The following DMD variants were observed in gnomAD, a reference collection of about 807,000 sequenced individuals.
The protein encoded by DMD is mutant dystrophin.
Under a neutral mutation model 330.1 loss-of-function variants are expected in DMD, and 63 were observed. The ratio of observed to expected loss-of-function variants is 0.19; its 90% CI spans 0.16 to 0.24. DMD has a LOEUF of 0.24. Ranked by LOEUF, DMD falls within the 10% of genes least tolerant of loss-of-function variation. The pLI is 1.00. For missense variants in DMD, 3,344 were observed against 2,684.1 expected (o/e 1.25, Z -5.43); for synonymous variants, 1,223 against 959.8 (o/e 1.27, Z -5.07).
At chrX:32,136,776 G>A (rs2096727591) in intron 44 of DMD, among the ~76,000 whole-genome samples, 1 of 107,484 alleles carries the variant, frequency 9.3e-6, no homozygotes, top group Admixed American at 1.0e-4. Flanking sequence ...TTCTTCCACT[G>A]CCACTTAGAA....
intron 62 of DMD, among the ~76,000 whole-genome samples, chrX:31,295,810 C>T (rs2054140379): frequency 8.9e-6 from 1 of 111,871 alleles, no homozygotes; most frequent in Non-Finnish European, 1.9e-5. Flanking sequence ...AACCTTATAC[C>T]AGCCAAAGAA....
intron 44 of DMD, among the ~76,000 whole-genome samples, chrX:32,141,724 C>CACACACACAT (rs564694131): frequency 1.4e-4 from 14 of 103,372 alleles, no homozygotes; most frequent in Admixed American, 5.2e-4. Context: ...CACACACACA[C>CACACACACAT]GATCTTGCAT....
chrX:33,115,719 G>A (rs2095378139), intron 1 of DMD, among the ~76,000 whole-genome samples: 1 of 108,828 alleles, frequency 9.2e-6, no homozygotes, highest in Admixed American at 9.8e-5. Context: ...GTATCACTGT[G>A]TTAGCCAGGA....
chrX:32,731,567 G>A (rs569403239), intron 7 of DMD, among the ~76,000 whole-genome samples: 1 of 112,396 alleles, frequency 8.9e-6, no homozygotes, highest in Non-Finnish European at 1.9e-5. Flanking sequence ...GGAGATCTGA[G>A]AAGGGGCAGA....
At chrX:31,894,977 G>A (rs1160921304) in intron 47 of DMD, among the ~76,000 whole-genome samples, 1 of 111,821 alleles carries the variant, frequency 8.9e-6, no homozygotes, top group South Asian at 3.7e-4. Flanking sequence ...GTTGGTTACT[G>A]GTTAAAAGAA....
rs766358544 is a variant in DMD, at chrX:32,725,973, A to G, written c.650-26680T>C. Among the ~76,000 whole-genome samples, 19 of 110,862 alleles carry G rather than the reference A, an allele frequency of 1.7e-4. 1 individual carries two copies. The South Asian group carries it at 7.2e-3, about 42-fold the overall frequency. ...TTTCTATACATATATACACATACAA[A>G]CTATGTACCCACAAAAATTTAAAAA... On this transcript the variant is annotated intron_variant, in intron 7 of 78. Coordinates refer to ENST00000357033, the MANE Select transcript of DMD (RefSeq NM_004006.3).
intron 1 of DMD, among the ~76,000 whole-genome samples, chrX:33,197,902 A>T (rs983660827): frequency 9.0e-6 from 1 of 111,126 alleles, no homozygotes; most frequent in African/African-American, 3.3e-5. Flanking sequence ...TTTTTGGGTG[A>T]ACATAAACAT....
At chrX:32,020,384 C>G (rs181213057) in intron 44 of DMD, among the ~76,000 whole-genome samples, 1 of 112,415 alleles carries the variant, frequency 8.9e-6, no homozygotes. Context: ...AGACCATCTT[C>G]AGAATATAGA....
At chrX:31,598,130 A>C (rs1285574885) in intron 55 of DMD, among the ~76,000 whole-genome samples, 1 of 108,323 alleles carries the variant, frequency 9.2e-6, no homozygotes, top group Non-Finnish European at 1.9e-5. Flanking sequence ...TAATTGAGAG[A>C]GAGAGGGTCT....
At chrX:32,844,473 A>G (rs1406953582) in intron 4 of DMD, among the ~76,000 whole-genome samples, 2 of 111,307 alleles carry the variant, frequency 1.8e-5, no homozygotes, top group Non-Finnish European at 3.8e-5. Context: ...AAGTAAGAAA[A>G]GAAACCGAGT....
intron 1 of DMD, among the ~76,000 whole-genome samples, chrX:33,283,318 C>A (rs1441162254): frequency 9.0e-6 from 1 of 111,095 alleles, no homozygotes; most frequent in African/African-American, 3.3e-5. Flanking sequence ...GTGGGTGGAT[C>A]ACCTGAGGTC....
rs192116214 is a variant in DMD at position 32,336,880 on chromosome X, A to T, written c.5922+5220T>A. On this transcript the variant is annotated intron_variant, in intron 41 of 78. Transcript: ENST00000357033. ...AACCTTTAGGCCTCTATGTTAGCAG[A>T]AGAGCAAAAAGGGAGACAAAGTGTG... is the stretch of plus-strand genomic sequence containing the variant. 1.9e-3 allele frequency among the ~76,000 whole-genome samples: 217 copies of T among 112,034 alleles called. 1 individual carries two copies. The highest frequency in any genetic ancestry group is 6.5e-3 in the African/African-American group (200 of 30,894).
At position 32,033,603 on chromosome X, in the gene DMD, C is replaced by CAGACAGAA. The variant is rs1217395754; in HGVS notation, c.6439-65090_6439-65089insTTCTGTCT. ...TAAAAAAACAAGACAGACAGACAGA[C>CAGACAGAA]AGAAAGAAAGAAAGAAAGAAAGAAA... On this transcript the variant is annotated intron_variant, in intron 44 of 78. Coordinates refer to ENST00000357033, the MANE Select transcript of DMD (RefSeq NM_004006.3). 1.7e-3 allele frequency among the ~76,000 whole-genome samples: 101 copies of CAGACAGAA among 59,906 alleles called. 1 individual carries two copies. Among genetic ancestry groups the CAGACAGAA allele is most frequent in the Non-Finnish European group, 2.7e-3 (91 of 33,762 alleles). The allele number at this position is 59,906 out of a possible 115,157, so 52.0% of individuals were successfully genotyped here. A position where few individuals can be genotyped will look rare whatever the true frequency, so the allele number is the denominator to read the frequency against.
chrX:31,474,547 AC>A (rs751138603), intron 59 of DMD, among the ~76,000 whole-genome samples: 1,706 of 93,835 alleles, frequency 0.018, 44 homozygotes, highest in African/African-American at 0.068. Flanking sequence ...ACTAAAAAAT[AC>A]AAAAAAAAAA....
At chrX:31,345,811 CA>C (rs2148472327) in intron 61 of DMD, among the ~76,000 whole-genome samples, 1 of 111,603 alleles carries the variant, frequency 9.0e-6, no homozygotes, top group East Asian at 2.8e-4. Context: ...TTGGCAACTC[CA>C]AAGCATTGTG....
chrX:32,568,054 CAGAAGAGGAGTGTGAGAATTATGTTTAA>C (rs1429151912), intron 15 of DMD, among the ~76,000 whole-genome samples: 3 of 111,945 alleles, frequency 2.7e-5, no homozygotes, highest in African/African-American at 9.7e-5. Context: ...GGAAACATGT[CAGAAGAGGAGTGTGAGAATTATGTTTAA>C]AGAAGAGGAT....
chrX:32,867,246 T>C, intron 2 of DMD, among the ~76,000 whole-genome samples: 1 of 112,016 alleles, frequency 8.9e-6, no homozygotes, highest in Non-Finnish European at 1.9e-5. Flanking sequence ...AAAGTGTGTT[T>C]ATCTTGTTTT....
chrX:32,799,130 C>T, intron 7 of DMD, among the ~76,000 whole-genome samples: 1 of 111,126 alleles, frequency 9.0e-6, no homozygotes, highest in African/African-American at 3.3e-5. Flanking sequence ...GCATTCACTC[C>T]AGGAGTAAAA....
intron 2 of DMD, among the ~76,000 whole-genome samples, chrX:32,951,800 C>T (rs2091262232): frequency 1.8e-5 from 2 of 111,686 alleles, no homozygotes; most frequent in South Asian, 7.4e-4. Context: ...CTAAGGGTAA[C>T]TCTGATATTA....
Sources: allele counts gnomAD v4.1 joint callset (sites outside exome capture counted in the v4.1 genomes callset), GRCh38; gene constraint gnomAD v4.1.1; transcripts MANE v1.5; gene names NCBI Gene and HGNC (gene_info 2026-07-23, HGNC 2026-07-21).